The following ST6GAL2 variants were observed in gnomAD, a reference collection of about 807,000 sequenced individuals.
ST6GAL2 encodes the protein ST6 beta-galactoside alpha-2,6-sialyltransferase 2, also known as beta-galactoside alpha-2,6-sialyltransferase 2.
A neutral mutation model predicts 37.5 loss-of-function variants in ST6GAL2; 24 were observed. The ratio of observed to expected loss-of-function variants is 0.64; its 90% CI spans 0.46 to 0.90. The LOEUF (loss-of-function observed/expected upper bound fraction) is 0.90, where lower values mean the gene tolerates loss of function less well. Ranked by LOEUF, ST6GAL2 falls within the 40% of genes least tolerant of loss-of-function variation. The pLI, the probability that ST6GAL2 is intolerant of heterozygous loss-of-function variation, is 0.00. For missense variants in ST6GAL2, 715 were observed against 712.7 expected, an observed-to-expected ratio of 1.00 and a Z score of -0.04; for synonymous variants, 306 against 295.1, an observed-to-expected ratio of 1.04 and a Z score of -0.38.
chr2:106,842,657 G>C (rs1415770815), intron 2 of ST6GAL2, among the ~76,000 whole-genome samples: 1 of 152,158 alleles, frequency 6.6e-6, no homozygotes, highest in Admixed American at 6.5e-5. Flanking sequence ...CACAGCCTGG[G>C]GGCATATCCA....
chr2:106,847,842 A>C lies in ST6GAL2; in HGVS notation c.-57-3808T>G, dbSNP rs564859510. Among the ~76,000 whole-genome samples, 297 of 152,196 alleles carry C rather than the reference A, an allele frequency of 2.0e-3. 4 individuals carry two copies. Among genetic ancestry groups the C allele is most frequent in the South Asian group, 0.015 (73 of 4,814 alleles). ...TGGAATCTGAGTGTATCACCCTCCC[A>C]ACACATCAGTGTGTTCATGAACCAG... On this transcript the variant is annotated intron_variant, in intron 1 of 5. Coordinates refer to ENST00000409382, the MANE Select transcript of ST6GAL2 (RefSeq NM_001142351.2).
chr2:106,879,733 C>CG (rs1678664604), intron 1 of ST6GAL2, among the ~76,000 whole-genome samples: 7 of 145,048 alleles, frequency 4.8e-5, no homozygotes, highest in Admixed American at 4.2e-4. Context: ...TTATATAGAC[C>CG]AATTATATAT....
chr2:106,832,701 G>T (rs779403923), intron 3 of ST6GAL2, 35 bp from the exon 4 acceptor site: 44 of 1,409,860 alleles, frequency 3.1e-5, no homozygotes, highest in Non-Finnish European at 4.1e-5. Flanking sequence ...TCAAAGCCAG[G>T]GTTTGGTTTT....
intron 1 of ST6GAL2, among the ~76,000 whole-genome samples, chr2:106,870,047 T>C (rs752521210): frequency 9.2e-5 from 14 of 152,280 alleles, no homozygotes; most frequent in Admixed American, 4.6e-4. Flanking sequence ...GTCTGCAAGA[T>C]GGCCAGTGAG....
At position 106,859,189 on chromosome 2, in the gene ST6GAL2, A is replaced by C. The variant is rs117393299; in HGVS notation, c.-57-15155T>G. 2.3e-4 allele frequency among the ~76,000 whole-genome samples: 35 copies of C among 152,282 alleles called. No homozygotes were observed. The East Asian group carries it at 6.0e-3, about 26-fold the overall frequency. ...AATGTCAACTTTATTTAATCACCTA[A>C]AAGGGTTGGCTGAATTGACAGTAAA... is the stretch of plus-strand genomic sequence containing the variant. On this transcript the variant is annotated intron_variant, in intron 1 of 5. Coordinates refer to ENST00000409382, the MANE Select transcript of ST6GAL2 (RefSeq NM_001142351.2).
chr2:106,848,137 C>T (rs917104737), intron 1 of ST6GAL2, among the ~76,000 whole-genome samples: 4 of 151,670 alleles, frequency 2.6e-5, no homozygotes, highest in Admixed American at 6.6e-5. Flanking sequence ...CTCTGCCAAC[C>T]GGGTTCAAGT....
intron 5 of ST6GAL2, 36 bp downstream of exon 5, chr2:106,830,030 C>T (rs764548460): frequency 4.4e-6 from 7 of 1,583,084 alleles, no homozygotes; most frequent in Non-Finnish European, 5.2e-6. Flanking sequence ...ATCCTGTCTG[C>T]CCCCCAATCA....
Position 106,844,000 on chromosome 2 carries a change from C to T in ST6GAL2, c.-23G>A. Reference sequence around the variant, plus strand: ...CATGGCAGGTCTCTGCGGTCAGCACCTTGTGTCTTAATGCAGATGGGTGGC... The same window carrying T: ...CATGGCAGGTCTCTGCGGTCAGCACTTTGTGTCTTAATGCAGATGGGTGGC... On this transcript the variant is annotated 5_prime_UTR_variant, in exon 2 of 6. Transcript: ENST00000409382. 1.3e-6 allele frequency: 2 copies of T among 1,537,790 alleles called. No individual in the cohort carries two copies. The highest frequency in any genetic ancestry group is 3.8e-5 in the Admixed American group (2 of 52,418).
chr2:106,833,123 A>G (rs1676489513), intron 3 of ST6GAL2, among the ~76,000 whole-genome samples: 1 of 152,144 alleles, frequency 6.6e-6, no homozygotes, highest in Admixed American at 6.5e-5. Flanking sequence ...TCAGCTGCCA[A>G]TCATCTTTTT....
chr2:106,840,022 G>C (rs938006137), intron 2 of ST6GAL2, among the ~76,000 whole-genome samples: 1 of 152,146 alleles, frequency 6.6e-6, no homozygotes, highest in Non-Finnish European at 1.5e-5. Flanking sequence ...ACTGCCAGTG[G>C]AGCAAACACC....
chr2:106,880,410 G>A (rs1243324945), intron 1 of ST6GAL2, among the ~76,000 whole-genome samples: 1 of 152,164 alleles, frequency 6.6e-6, no homozygotes, highest in Non-Finnish European at 1.5e-5. Context: ...CATCAGCCTG[G>A]GGCCAGGTTC....
rs1259362296 is a variant in ST6GAL2, at chr2:106,801,838, C to T, written c.*4840G>A. Reference sequence around the variant, plus strand: ...TGTTAAAAAAGTTCACTGGTTTCCACTGGAAGAATTGTCTAAGTATTTCAT... The same window carrying T: ...TGTTAAAAAAGTTCACTGGTTTCCATTGGAAGAATTGTCTAAGTATTTCAT... On this transcript the variant is annotated 3_prime_UTR_variant, in exon 6 of 6. Transcript: ENST00000409382. The T allele has an allele frequency of 1.3e-5, 2 of 152,184 alleles. No individual in the cohort carries two copies. The highest frequency in any genetic ancestry group is 4.8e-5 in the African/African-American group (2 of 41,460). 9.4% of individuals were successfully genotyped at this position (152,184 alleles called of 1,614,324 possible). A position where few individuals can be genotyped will look rare whatever the true frequency, so the allele number is the denominator to read the frequency against.
intron 5 of ST6GAL2, among the ~76,000 whole-genome samples, chr2:106,819,163 T>C (rs562249643): frequency 2.6e-5 from 4 of 152,194 alleles, no homozygotes; most frequent in South Asian, 4.1e-4. Flanking sequence ...GAGCAAGATA[T>C]AGGGGTAGAA....
intron 1 of ST6GAL2, among the ~76,000 whole-genome samples, chr2:106,848,693 A>G (rs1202709400): frequency 6.6e-6 from 1 of 152,218 alleles, no homozygotes; most frequent in Non-Finnish European, 1.5e-5. Flanking sequence ...GAACTTGGGA[A>G]ATTTCATGGC....
chr2:106,811,277 A>T (rs916758597), intron 5 of ST6GAL2, among the ~76,000 whole-genome samples: 1 of 152,198 alleles, frequency 6.6e-6, no homozygotes, highest in Non-Finnish European at 1.5e-5. Flanking sequence ...AAACACCTGA[A>T]GAATAAATTT....
intron 1 of ST6GAL2, among the ~76,000 whole-genome samples, chr2:106,882,295 G>T (rs1023538966): frequency 6.6e-6 from 1 of 152,276 alleles, no homozygotes; most frequent in East Asian, 1.9e-4. Flanking sequence ...CTGTTGAGGG[G>T]ATCTCAGTCT....
intron 1 of ST6GAL2, among the ~76,000 whole-genome samples, chr2:106,854,043 G>C (rs914550775): frequency 3.9e-5 from 6 of 152,204 alleles, no homozygotes; most frequent in African/African-American, 1.4e-4. Flanking sequence ...TAAGAAGATG[G>C]AAGATGTATA....
At chr2:106,835,600 A>G (rs1391570837) in intron 2 of ST6GAL2, among the ~76,000 whole-genome samples, 1 of 152,228 alleles carries the variant, frequency 6.6e-6, no homozygotes. Flanking sequence ...TTGGCAAACT[A>G]TGACCTTCTG....
chr2:106,832,655 G>T lies in ST6GAL2; in HGVS notation c.1053C>A (p.Asn351Lys), dbSNP rs1261164092. The T allele has an allele frequency of 3.1e-6, 5 of 1,610,110 alleles. No individual in the cohort carries two copies. The highest frequency in any genetic ancestry group is 4.3e-6 in the Non-Finnish European group (5 of 1,176,420). ...AACTGTCAATGAAGTGATGGCTGGG[G>T]TTGGTCAGAATCTGCAAACACACAG... ...IRIINSQILT[N>K]PSHHFIDSSL... Residue 351 changes from asparagine (N) to lysine (K), a missense_variant, in exon 4 of 6, where the codon AAC (asparagine) becomes AAA (lysine). Asn to Lys is a moderately conservative substitution (Grantham distance 94). This residue lies in a region of ST6GAL2 where 512 missense variants were observed against 488.8 expected (regional missense o/e 1.05). Coordinates refer to ENST00000409382, the MANE Select transcript of ST6GAL2 (RefSeq NM_001142351.2).
Sources: allele counts gnomAD v4.1 joint callset (sites outside exome capture counted in the v4.1 genomes callset), GRCh38; gene constraint gnomAD v4.1.1; regional missense constraint gnomAD v4.1.1; transcripts MANE v1.5; gene names NCBI Gene and HGNC (gene_info 2026-07-23, HGNC 2026-07-21).